FRYL: variants seen among roughly 807,000 people sequenced by gnomAD.
FRYL encodes the protein protein furry homolog-like.
A neutral mutation model predicts 351.2 loss-of-function variants in FRYL; 150 were observed. The observed-to-expected ratio is 0.43, with a 90% confidence interval of 0.37 to 0.49. The LOEUF (loss-of-function observed/expected upper bound fraction) is 0.49, where lower values mean the gene tolerates loss of function less well. Ranked by LOEUF, FRYL falls within the 20% of genes least tolerant of loss-of-function variation. FRYL has a pLI of 0.00. For missense variants in FRYL, 3,036 were observed against 3,619.3 expected (o/e 0.84, Z 4.13); for synonymous variants, 1,153 against 1,257.1 (o/e 0.92, Z 1.75).
At chr4:48,605,685 G>GT (rs1182266338) in intron 11 of FRYL, 56 bp downstream of exon 11, 5 of 1,117,796 alleles carry the variant, frequency 4.5e-6, no homozygotes, top group Non-Finnish European at 6.8e-6. Flanking sequence ...AAAGTATAAG[G>GT]TTGATAAGGT....
At chr4:48,660,100 T>G (rs1044287313) in intron 3 of FRYL, among the ~76,000 whole-genome samples, 1 of 151,182 alleles carries the variant, frequency 6.6e-6, no homozygotes, top group South Asian at 2.1e-4. Flanking sequence ...GTAGAGAAGG[T>G]AGAGAAAGAC....
chr4:48,515,201 C>T lies in FRYL; in HGVS notation c.7764G>A (p.Gln2588=), dbSNP rs1723311806. 1 of 1,613,338 alleles carries T rather than the reference C, an allele frequency of 6.2e-7. No homozygotes were observed. The stretch of plus-strand genomic sequence containing the variant: ...TTCCTTGACACACAAGAGATTCCTG[C>T]TGTTCTTGAATTATATAGGATCCTT... ...EDEGSYIIQE[Q]QESLVCQGIL... Residue 2588 remains glutamine, a synonymous_variant, in exon 56 of 64, where the codon CAG becomes CAA. Transcript: ENST00000358350.
At position 48,530,466 on chromosome 4, in the gene FRYL, C is replaced by T. The variant is rs537217090; in HGVS notation, c.6903+690G>A. ...TTTTCTATCCTGTGGCTAGAGTGAT[C>T]CTCCTAAAATGCAAACCCTAATACG... On this transcript the variant is annotated intron_variant, in intron 50 of 63. Transcript: ENST00000358350. Among the ~76,000 whole-genome samples, 3 of 152,226 alleles carry T rather than the reference C, an allele frequency of 2.0e-5. No individual in the cohort carries two copies. The Middle Eastern group carries it at 0.01, about 518-fold the overall frequency.
chr4:48,723,679 A>C (rs1245674366), intron 1 of FRYL, among the ~76,000 whole-genome samples: 4 of 152,012 alleles, frequency 2.6e-5, no homozygotes, highest in African/African-American at 9.7e-5. Context: ...CACTGCTGCT[A>C]CTCTAGACAG....
At chr4:48,559,815 G>A (rs775490513) in intron 33 of FRYL, among the ~76,000 whole-genome samples, 1 of 152,018 alleles carries the variant, frequency 6.6e-6, no homozygotes, top group Non-Finnish European at 1.5e-5. Context: ...AGAAAAAGCA[G>A]GAAATATTAA....
chr4:48,575,077 A>G (rs759029464), intron 25 of FRYL, 40 bp downstream of exon 25: 1 of 1,605,606 alleles, frequency 6.2e-7, no homozygotes, highest in Non-Finnish European at 8.5e-7. Context: ...TAGCACATTT[A>G]TTCTTTTAGG....
intron 1 of FRYL, among the ~76,000 whole-genome samples, chr4:48,766,682 A>C (rs926789131): frequency 4.6e-5 from 7 of 152,314 alleles, no homozygotes; most frequent in Non-Finnish European, 1.0e-4. Flanking sequence ...AAACAATATC[A>C]CATACAATAC....
intron 50 of FRYL, among the ~76,000 whole-genome samples, 198 bp downstream of exon 50, chr4:48,530,958 T>C (rs1005096723): frequency 2.0e-5 from 3 of 152,216 alleles, no homozygotes; most frequent in African/African-American, 7.2e-5. Flanking sequence ...ATGGGGAATG[T>C]ATAGTCTGTT....
In FRYL at chr4:48,578,993, C is replaced by T. The variant is rs1236989268; in HGVS notation, c.2508G>A (p.Leu836=). The T allele has an allele frequency of 6.2e-7, 1 of 1,609,818 alleles. No homozygotes were observed. Among genetic ancestry groups the T allele is most frequent in the East Asian group, 2.2e-5 (1 of 44,826 alleles). ...WMFAYTRLQL[L]SPQVDINSPI... is the part of the protein sequence containing the mutation. Reference sequence around the variant, plus strand: ...CTTACTTTATATCGACCTGAGGGGACAACAACTGAAGTCTTGTGTATGCAA... The same window carrying T: ...CTTACTTTATATCGACCTGAGGGGATAACAACTGAAGTCTTGTGTATGCAA... Residue 836 remains leucine (L), a synonymous_variant, in exon 23 of 64, where the codon TTG becomes TTA. Transcript: ENST00000358350.
chr4:48,675,721 G>C (rs1200989694), intron 3 of FRYL, among the ~76,000 whole-genome samples: 2 of 152,242 alleles, frequency 1.3e-5, no homozygotes, highest in South Asian at 2.1e-4. Context: ...GGGCTGAGGA[G>C]TGCGAGTGCA....
chr4:48,553,134 G>C (rs1733266582), intron 36 of FRYL, 81 bp downstream of exon 36: 1 of 1,019,540 alleles, frequency 9.8e-7, no homozygotes, highest in African/African-American at 1.6e-5. Context: ...GGGACATAGA[G>C]ACCCTAAAAT....
intron 7 of FRYL, among the ~76,000 whole-genome samples, chr4:48,617,352 T>G (rs1283960795): frequency 2.6e-5 from 4 of 151,382 alleles, no homozygotes; most frequent in Non-Finnish European, 4.4e-5. Flanking sequence ...AAAAGATTTT[T>G]TTTTTTTTTT....
At position 48,527,962 on chromosome 4, in the gene FRYL, AT is replaced by A. The variant is rs754776748; in HGVS notation, c.7140+8del. The A allele has an allele frequency of 8.4e-6, 13 of 1,552,614 alleles. No homozygotes were observed. In the South Asian group the frequency reaches 1.6e-4, roughly 19 times the overall value. On this transcript the variant is annotated splice_region_variant and intron_variant, in intron 52 of 63. Coordinates refer to ENST00000358350, the MANE Select transcript of FRYL (RefSeq NM_015030.2). ...TAAGACCTTGACACAGGTCTTCATG[AT>A]TACTCACTGATGGGTTCTTTGGGAG... is the stretch of plus-strand genomic sequence containing the variant.
intron 1 of FRYL, among the ~76,000 whole-genome samples, chr4:48,757,201 C>T (rs1237305233): frequency 1.3e-5 from 2 of 152,088 alleles, no homozygotes; most frequent in Non-Finnish European, 2.9e-5. Flanking sequence ...ACAAGGATGC[C>T]CTCTCTCACC....
chr4:48,772,227 T>TA (rs1217769849), intron 1 of FRYL, among the ~76,000 whole-genome samples: 3 of 152,218 alleles, frequency 2.0e-5, no homozygotes, highest in Non-Finnish European at 4.4e-5. Flanking sequence ...TTTACACTTC[T>TA]ACAGGCTAGC....
intron 1 of FRYL, among the ~76,000 whole-genome samples, chr4:48,774,790 G>A (rs368524738): frequency 3.9e-5 from 6 of 152,012 alleles, no homozygotes; most frequent in African/African-American, 1.4e-4. Context: ...TCAGTGATCC[G>A]CCCACCTCAG....
Position 48,736,512 on chromosome 4 carries a change from G to A in FRYL, c.-383-25814C>T, listed in dbSNP as rs563380060. ...ACTAATATTAGAAAATGAAAGCAGA[G>A]ACAATACTACAGATTCCATGAGCAT... On this transcript the variant is annotated intron_variant, in intron 1 of 63. Transcript: ENST00000358350. Among the ~76,000 whole-genome samples the A allele has an allele frequency of 4.7e-3, 721 of 152,002 alleles. 2 individuals carry two copies. The highest frequency in any genetic ancestry group is 0.017 in the African/African-American group (692 of 41,456).
chr4:48,587,695 C>T (rs1448066093), intron 18 of FRYL, among the ~76,000 whole-genome samples: 3 of 152,072 alleles, frequency 2.0e-5, no homozygotes, highest in East Asian at 1.9e-4. Context: ...AGGCGCCTGC[C>T]ACCACGCCCA....
intron 35 of FRYL, among the ~76,000 whole-genome samples, chr4:48,555,709 G>A (rs1457391292): frequency 6.6e-6 from 1 of 152,140 alleles, no homozygotes; most frequent in Non-Finnish European, 1.5e-5. Flanking sequence ...GAGAGGTAAC[G>A]TGCGGTAACG....
Sources: allele counts gnomAD v4.1 joint callset (sites outside exome capture counted in the v4.1 genomes callset), GRCh38; gene constraint gnomAD v4.1.1; transcripts MANE v1.5; gene names NCBI Gene and HGNC (gene_info 2026-07-23, HGNC 2026-07-21).